STPG2: variants seen among roughly 807,000 people sequenced by gnomAD.
The protein encoded by STPG2 is sperm tail PG-rich repeat containing 2, also known as sperm-tail PG-rich repeat-containing protein 2.
A neutral mutation model predicts 54.2 loss-of-function variants in STPG2; 56 were observed. The observed-to-expected ratio is 1.03, with a 90% CI of 0.83 to 1.29. STPG2 has a LOEUF of 1.29. Ranked by LOEUF, STPG2 falls within the 50% of genes most tolerant of loss-of-function variation. STPG2 has a pLI of 0.00. For missense variants in STPG2, 596 were observed against 544.9 expected, an observed-to-expected ratio of 1.09 and a Z score of -0.93; for synonymous variants, 200 against 181.8, an observed-to-expected ratio of 1.10 and a Z score of -0.81.
chr4:97,565,762 G>A (rs1732413367), intron 10 of STPG2, among the ~76,000 whole-genome samples: 1 of 152,196 alleles, frequency 6.6e-6, no homozygotes, highest in African/African-American at 2.4e-5. Flanking sequence ...TTCGTGAACT[G>A]TGAATGCTGC....
Position 97,972,442 on chromosome 4 carries a change from TA to T in STPG2, c.773-3del. 1 of 1,479,586 alleles carries T rather than the reference TA, an allele frequency of 6.8e-7. No individual in the cohort carries two copies. Among genetic ancestry groups the T allele is most frequent in the South Asian group, 1.4e-5 (1 of 72,186 alleles). The allele number at this position is 1,479,586 out of a possible 1,614,324, so 91.7% of individuals were successfully genotyped here. A position where few individuals can be genotyped will look rare whatever the true frequency, so the allele number is the denominator to read the frequency against. ...TCAAGACATTATAAAATCCAGGACC[TA>T]AAATTATTAGAAGTATCATATATAA... On this transcript the variant is annotated splice_polypyrimidine_tract_variant and splice_region_variant and intron_variant, in intron 6 of 10. Coordinates refer to ENST00000295268, the MANE Select transcript of STPG2 (RefSeq NM_174952.3).
chr4:97,944,474 T>C (rs1733123286), intron 7 of STPG2, among the ~76,000 whole-genome samples: 1 of 152,078 alleles, frequency 6.6e-6, no homozygotes, highest in African/African-American at 2.4e-5. Context: ...TAATTCTTTA[T>C]ATGCATTGAA....
chr4:97,488,848 G>A (rs1449867783), intron 4 of STPG2, among the ~76,000 whole-genome samples: 1 of 151,684 alleles, frequency 6.6e-6, no homozygotes, highest in East Asian at 1.9e-4. Flanking sequence ...TCTAGCTGAT[G>A]GTAAGTCAGA....
At chr4:97,836,891 T>C (rs1728652584) in intron 9 of STPG2, among the ~76,000 whole-genome samples, 1 of 149,570 alleles carries the variant, frequency 6.7e-6, no homozygotes, top group Non-Finnish European at 1.5e-5. Context: ...ATTTAGTTAA[T>C]AAATTATATT....
intron 10 of STPG2, among the ~76,000 whole-genome samples, chr4:97,661,763 C>A (rs1345753797): frequency 6.6e-6 from 1 of 152,038 alleles, no homozygotes. Flanking sequence ...CTTCTCCACT[C>A]TAGACTTATG....
At chr4:97,926,505 T>C (rs2149214863) in intron 8 of STPG2, among the ~76,000 whole-genome samples, 1 of 152,250 alleles carries the variant, frequency 6.6e-6, no homozygotes, top group South Asian at 2.1e-4. Flanking sequence ...ATGCTCCACC[T>C]ATCCTGCTGG....
chr4:97,590,494 A>C (rs1449339836), intron 10 of STPG2, among the ~76,000 whole-genome samples: 1 of 152,132 alleles, frequency 6.6e-6, no homozygotes, highest in Non-Finnish European at 1.5e-5. Context: ...CAGGATTTAC[A>C]GTCAGTGCCT....
At chr4:97,462,721 T>C (rs1261362545) in intron 4 of STPG2, among the ~76,000 whole-genome samples, 1 of 152,126 alleles carries the variant, frequency 6.6e-6, no homozygotes, top group Non-Finnish European at 1.5e-5. Flanking sequence ...AATTTTAATT[T>C]ATTTTTGTTC....
chr4:97,682,837 T>C (rs1449488599), intron 10 of STPG2, among the ~76,000 whole-genome samples: 1 of 151,764 alleles, frequency 6.6e-6, no homozygotes, highest in Non-Finnish European at 1.5e-5. Context: ...CATTACTCTA[T>C]CATCCCTCTT....
At chr4:97,770,565 T>A (rs1182677774) in intron 9 of STPG2, among the ~76,000 whole-genome samples, 1 of 152,058 alleles carries the variant, frequency 6.6e-6, no homozygotes, top group Non-Finnish European at 1.5e-5. Flanking sequence ...TGAGAAAAAA[T>A]TAACATGAGA....
chr4:97,950,768 T>A (rs938325200), intron 7 of STPG2, among the ~76,000 whole-genome samples: 3 of 152,214 alleles, frequency 2.0e-5, no homozygotes, highest in African/African-American at 7.2e-5. Flanking sequence ...TAGTTTATAG[T>A]TTAACTTTGA....
intron 9 of STPG2, among the ~76,000 whole-genome samples, chr4:97,738,363 A>T (rs1455516986): frequency 6.6e-6 from 1 of 152,212 alleles, no homozygotes; most frequent in African/African-American, 2.4e-5. Context: ...ACATAACAAT[A>T]TTAACTTTAA....
At chr4:97,741,941 A>G (rs1051672379) in intron 9 of STPG2, among the ~76,000 whole-genome samples, 3 of 152,198 alleles carry the variant, frequency 2.0e-5, no homozygotes, top group Non-Finnish European at 4.4e-5. Context: ...ACTATTCACA[A>G]TAGCAAGGAC....
intron 9 of STPG2, among the ~76,000 whole-genome samples, chr4:97,779,944 A>G (rs1232669911): frequency 6.6e-6 from 1 of 151,924 alleles, no homozygotes; most frequent in African/African-American, 2.4e-5. Context: ...CTAAACATGG[A>G]AAGGAACAAC....
At chr4:97,646,742 G>A (rs1324295161) in intron 10 of STPG2, among the ~76,000 whole-genome samples, 1 of 152,070 alleles carries the variant, frequency 6.6e-6, no homozygotes, top group African/African-American at 2.4e-5. Context: ...ATACATTATA[G>A]TGTAAGTTAT....
intron 8 of STPG2, among the ~76,000 whole-genome samples, chr4:97,890,997 C>T (rs926728221): frequency 5.9e-5 from 9 of 151,606 alleles, no homozygotes; most frequent in Non-Finnish European, 1.2e-4. Flanking sequence ...GTATTATAGG[C>T]ATATAATTTA....
chr4:97,865,660 T>C (rs568487196), intron 8 of STPG2, among the ~76,000 whole-genome samples: 4 of 151,520 alleles, frequency 2.6e-5, no homozygotes, highest in South Asian at 2.1e-4. Context: ...ATGAGAACAC[T>C]TGGACTCAGG....
At chr4:98,062,793 T>C (rs1324782512) in intron 5 of STPG2, among the ~76,000 whole-genome samples, 1 of 152,172 alleles carries the variant, frequency 6.6e-6, no homozygotes. Context: ...ACTAATCTAA[T>C]AATATACCAC....
At chr4:97,750,242 C>G (rs1172398422) in intron 9 of STPG2, among the ~76,000 whole-genome samples, 1 of 151,722 alleles carries the variant, frequency 6.6e-6, no homozygotes, top group Non-Finnish European at 1.5e-5. Context: ...TTCTACTCAC[C>G]AGCATCTAGC....
Sources: gnomAD v4.1 joint callset for allele counts (sites outside exome capture counted in the v4.1 genomes callset) on GRCh38, gnomAD v4.1.1 for gene constraint, MANE v1.5 for transcripts, NCBI Gene and HGNC (gene_info 2026-07-23, HGNC 2026-07-21) for gene names.